Variants in SEPTIN11 observed in about 807,000 individuals in gnomAD.
SEPTIN11 encodes septin-11.
SEPTIN11 carries 25 observed loss-of-function variants against 51.4 expected under a neutral mutation model. The observed-to-expected ratio is 0.49, with a 90% CI of 0.35 to 0.68. The LOEUF is 0.68. Ranked by LOEUF, SEPTIN11 falls within the 30% of genes least tolerant of loss-of-function variation. SEPTIN11 has a pLI of 0.00. For synonymous variants in SEPTIN11, 174 were observed against 184.1 expected, an observed-to-expected ratio of 0.95 and a Z score of 0.44; for missense variants, 381 against 520.8, an observed-to-expected ratio of 0.73 and a Z score of 2.61.
Position 76,949,757 on chromosome 4 carries a change from G to A in SEPTIN11, c.-147G>A. On this transcript the variant is annotated 5_prime_UTR_variant, in exon 1 of 10. Transcript: ENST00000264893. ...GAGGGGCGGCGGCGTGGGGGGAGCAGATGCCGCTGGCTGCCAGCGGGACGC... is the reference window on the plus strand; with the variant it reads ...GAGGGGCGGCGGCGTGGGGGGAGCAAATGCCGCTGGCTGCCAGCGGGACGC... 1.3e-6 allele frequency: 1 copy of A among 794,126 alleles called. No individual in the cohort carries two copies. The highest frequency in any genetic ancestry group is 1.8e-5 in the South Asian group (1 of 54,858). 49.2% of individuals were successfully genotyped at this position (794,126 alleles called of 1,614,324 possible).
intron 1 of SEPTIN11, among the ~76,000 whole-genome samples, chr4:76,970,079 A>G (rs935472463): frequency 1.1e-4 from 17 of 152,082 alleles, no homozygotes; most frequent in Non-Finnish European, 4.4e-5. Flanking sequence ...GTCTTCCTAC[A>G]ATCTCCATTA....
At chr4:76,980,788 A>G (rs1722732181) in intron 1 of SEPTIN11, among the ~76,000 whole-genome samples, 1 of 152,182 alleles carries the variant, frequency 6.6e-6, no homozygotes, top group Non-Finnish European at 1.5e-5. Context: ...AATGGCAGCC[A>G]CCTGGATCAG....
Position 76,976,015 on chromosome 4 carries a change from A to G in SEPTIN11, c.28-20410A>G, listed in dbSNP as rs377659110. ...CAGAGGGAGAGTGATGCCATCTCACAGGATACCATGGGGCTTCAAAGCTTT... is the reference window on the plus strand; with the variant it reads ...CAGAGGGAGAGTGATGCCATCTCACGGGATACCATGGGGCTTCAAAGCTTT... On this transcript the variant is annotated intron_variant, in intron 1 of 9. Coordinates refer to ENST00000264893, the MANE Select transcript of SEPTIN11 (RefSeq NM_018243.4). Among the ~76,000 whole-genome samples, 6 of 152,332 alleles carry G rather than the reference A, an allele frequency of 3.9e-5. No individual in the cohort carries two copies. In the East Asian group the frequency reaches 9.6e-4, roughly 24 times the overall value.
At chr4:77,038,735 A>C, downstream of SEPTIN11, 2 of 799,060 alleles carry the variant, frequency 2.5e-6, no homozygotes, top group Non-Finnish European at 3.2e-6. Context: ...CGTGTGGTAG[A>C]CTTCAAATGG....
chr4:76,958,724 TG>T, intron 1 of SEPTIN11: 1 of 553,368 alleles, frequency 1.8e-6, no homozygotes, highest in Non-Finnish European at 3.3e-6. Flanking sequence ...TTGTTGTTGT[TG>T]TTAGAATTAA....
intron 1 of SEPTIN11, among the ~76,000 whole-genome samples, chr4:76,994,328 C>T (rs1252290090): frequency 1.3e-5 from 2 of 152,208 alleles, no homozygotes; most frequent in African/African-American, 2.4e-5. Context: ...ACCTTAAAAA[C>T]ACCTGCTGTC....
At chr4:76,952,832 G>A (rs1308402953) in intron 1 of SEPTIN11, among the ~76,000 whole-genome samples, 1 of 152,186 alleles carries the variant, frequency 6.6e-6, no homozygotes, top group Non-Finnish European at 1.5e-5. Context: ...GGATGTGTCT[G>A]CATTTTGGAT....
At chr4:76,959,050 G>T in intron 1 of SEPTIN11, 1 of 713,428 alleles carries the variant, frequency 1.4e-6, no homozygotes, top group South Asian at 1.4e-5. Flanking sequence ...GGGAATGAAA[G>T]AAAGACTTGA....
downstream of SEPTIN11, chr4:77,038,931 C>T (rs1727217244): frequency 2.0e-6 from 1 of 504,550 alleles, no homozygotes; most frequent in Admixed American, 2.7e-5. Flanking sequence ...GCTGCTCACC[C>T]TCCCGTCGAG....
At chr4:76,985,977 G>C (rs1578143928) in intron 1 of SEPTIN11, among the ~76,000 whole-genome samples, 1 of 152,138 alleles carries the variant, frequency 6.6e-6, no homozygotes, top group Non-Finnish European at 1.5e-5. Flanking sequence ...ATGTCCAAAG[G>C]GCAGAGTGGG....
chr4:77,016,633 C>CATATATATATATACACACAT, intron 5 of SEPTIN11, among the ~76,000 whole-genome samples: 1 of 72,748 alleles, frequency 1.4e-5, no homozygotes, highest in East Asian at 4.1e-4. Context: ...TATATATACA[C>CATATATATATATACACACAT]ATATATATAT....
chr4:77,003,397 T>C (rs574357375), intron 2 of SEPTIN11, among the ~76,000 whole-genome samples: 3 of 152,348 alleles, frequency 2.0e-5, no homozygotes, highest in East Asian at 3.9e-4. Context: ...AGAGTCTGAC[T>C]GGTATTATTC....
chr4:77,011,992 T>C, intron 4 of SEPTIN11, 71 bp downstream of exon 4: 2 of 1,363,052 alleles, frequency 1.5e-6, no homozygotes, highest in East Asian at 4.7e-5. Flanking sequence ...CCTAATTTGT[T>C]CTCTGCTTTC....
chr4:76,959,618 T>A (rs139522884), intron 1 of SEPTIN11, among the ~76,000 whole-genome samples: 1 of 152,148 alleles, frequency 6.6e-6, no homozygotes, highest in Non-Finnish European at 1.5e-5. Flanking sequence ...TTCTAGGATC[T>A]AGATCCAGAG....
intron 1 of SEPTIN11, among the ~76,000 whole-genome samples, chr4:76,982,212 C>CT (rs199895477): frequency 0.049 from 7,058 of 144,156 alleles, 200 homozygotes; most frequent in South Asian, 0.13. Flanking sequence ...CTATTCAAAT[C>CT]TTTTTTTTTT....
intron 1 of SEPTIN11, among the ~76,000 whole-genome samples, chr4:76,985,978 G>T (rs1723007578): frequency 6.6e-6 from 1 of 152,156 alleles, no homozygotes; most frequent in Admixed American, 6.5e-5. Flanking sequence ...TGTCCAAAGG[G>T]CAGAGTGGGA....
intron 1 of SEPTIN11, among the ~76,000 whole-genome samples, chr4:76,965,779 AC>A (rs1437848117): frequency 6.6e-6 from 1 of 152,182 alleles, no homozygotes; most frequent in African/African-American, 2.4e-5. Flanking sequence ...TTCTCTCATG[AC>A]AGAGTGCAGA....
chr4:77,018,158 G>A lies in SEPTIN11; in HGVS notation c.688-1007G>A, dbSNP rs535518278. 9.7e-4 allele frequency among the ~76,000 whole-genome samples: 148 copies of A among 152,214 alleles called. 2 individuals are homozygous for A. The highest frequency in any genetic ancestry group is 7.5e-3 in the South Asian group (36 of 4,830). ...AATATAAAAATTATTAGATATTTTA[G>A]GCTGGGCACGGTGACTCACGCCAGC... On this transcript the variant is annotated intron_variant, in intron 5 of 9. Coordinates refer to ENST00000264893, the MANE Select transcript of SEPTIN11 (RefSeq NM_018243.4).
At chr4:76,965,694 T>C (rs1049383464) in intron 1 of SEPTIN11, among the ~76,000 whole-genome samples, 13 of 152,184 alleles carry the variant, frequency 8.5e-5, no homozygotes, top group Admixed American at 8.5e-4. Context: ...TATTTAAAAG[T>C]GCAGTTTTCC....
Sources: gnomAD v4.1 joint callset for allele counts (sites outside exome capture counted in the v4.1 genomes callset) on GRCh38, gnomAD v4.1.1 for gene constraint, MANE v1.5 for transcripts, NCBI Gene and HGNC (gene_info 2026-07-23, HGNC 2026-07-21) for gene names.